The following ATP2B2 variants were observed in gnomAD, a reference collection of about 807,000 sequenced individuals.
The protein encoded by ATP2B2 is plasma membrane calcium-transporting ATPase 2.
Under a neutral mutation model 120.0 loss-of-function variants are expected in ATP2B2, and 15 were observed. The observed-to-expected ratio is 0.12, with a 90% CI of 0.08 to 0.19. ATP2B2 has a LOEUF of 0.19. Among genes scored for constraint, ATP2B2 ranks in the 10% least tolerant of loss-of-function variants. The probability of loss-of-function intolerance (pLI) is 1.00; values close to 1 mark genes in which losing one functional copy is unlikely to be tolerated. For missense variants in ATP2B2, 1,045 were observed against 1,719.8 expected (o/e 0.61, Z 6.94); for synonymous variants, 694 against 700.3 (o/e 0.99, Z 0.14).
chr3:10,654,475 T>C (rs1286900895), intron 1 of ATP2B2, among the ~76,000 whole-genome samples: 2 of 152,032 alleles, frequency 1.3e-5, no homozygotes, highest in South Asian at 2.1e-4. Flanking sequence ...GAAATGAACA[T>C]AGACGAGCGA....
upstream of ATP2B2, among the ~76,000 whole-genome samples, chr3:10,506,667 G>C (rs916401009): frequency 6.6e-6 from 1 of 152,050 alleles, no homozygotes; most frequent in Admixed American, 6.5e-5. Context: ...CCTGCTTGGA[G>C]GGAGGGCACT....
At chr3:10,633,340 A>G (rs754957483) in intron 1 of ATP2B2, among the ~76,000 whole-genome samples, 5 of 152,174 alleles carry the variant, frequency 3.3e-5, no homozygotes, top group Admixed American at 6.5e-5. Flanking sequence ...CACTGATGCA[A>G]TAACAGCAGA....
At chr3:10,585,493 GAA>G (rs60670471) in intron 2 of ATP2B2, among the ~76,000 whole-genome samples, 9 of 28,506 alleles carry the variant, frequency 3.2e-4, no homozygotes, top group East Asian at 2.6e-3. Flanking sequence ...GACTCCGTCT[GAA>G]AAAAAAAAAA....
chr3:10,540,395 C>T (rs1047980791), intron 2 of ATP2B2, among the ~76,000 whole-genome samples: 1 of 152,102 alleles, frequency 6.6e-6, no homozygotes, highest in Non-Finnish European at 1.5e-5. Flanking sequence ...TTATAAATCA[C>T]GCTACTATAA....
At chr3:10,574,147 T>C (rs2068190918) in intron 2 of ATP2B2, among the ~76,000 whole-genome samples, 1 of 152,216 alleles carries the variant, frequency 6.6e-6, no homozygotes, top group South Asian at 2.1e-4. Context: ...TATCTTCTGC[T>C]TTCTGCTTTG....
chr3:10,539,989 C>A (rs923568147), intron 2 of ATP2B2, among the ~76,000 whole-genome samples: 1 of 152,172 alleles, frequency 6.6e-6, no homozygotes, highest in Non-Finnish European at 1.5e-5. Flanking sequence ...GGCTAATATC[C>A]AGAATCTACA....
At chr3:10,649,590 G>A (rs1163391442) in intron 1 of ATP2B2, among the ~76,000 whole-genome samples, 1 of 152,184 alleles carries the variant, frequency 6.6e-6, no homozygotes, top group Non-Finnish European at 1.5e-5. Flanking sequence ...CCTCAGCTCA[G>A]GAAGGGAGGG....
intron 5 of ATP2B2, among the ~76,000 whole-genome samples, chr3:10,392,991 G>A (rs1330112213): frequency 6.6e-6 from 1 of 152,190 alleles, no homozygotes; most frequent in East Asian, 1.9e-4. Flanking sequence ...ACCAGATGGC[G>A]CCCCCCTTCC....
intron 2 of ATP2B2, among the ~76,000 whole-genome samples, chr3:10,417,196 G>T (rs543787404): frequency 4.6e-5 from 7 of 152,180 alleles, no homozygotes; most frequent in African/African-American, 1.7e-4. Flanking sequence ...GGGGGCAAAA[G>T]CTGGGCAGAG....
Position 10,350,155 on chromosome 3 carries a change from C to A in ATP2B2, c.2361G>T (p.Val787=), listed in dbSNP as rs1381998579. 1 of 1,613,592 alleles carries A rather than the reference C, an allele frequency of 6.2e-7. No individual in the cohort carries two copies. The highest frequency in any genetic ancestry group is 1.3e-5 in the African/African-American group (1 of 74,742). ...RIDKIWPKLR[V]LARSSPTDKH... Reference sequence around the variant, plus strand: ...TGTCCGTTGGGGAGGAGCGAGCCAGCACCCGCAGCTTTGGCCAGATCTTGT... The same window carrying A: ...TGTCCGTTGGGGAGGAGCGAGCCAGAACCCGCAGCTTTGGCCAGATCTTGT... Residue 787 remains valine, a synonymous_variant, in exon 16 of 23, where the codon GTG becomes GTT. Coordinates refer to ENST00000360273, the MANE Select transcript of ATP2B2 (RefSeq NM_001001331.4).
At chr3:10,337,726 C>T (rs2060160378) in intron 22 of ATP2B2, among the ~76,000 whole-genome samples, 1 of 152,074 alleles carries the variant, frequency 6.6e-6, no homozygotes, top group Non-Finnish European at 1.5e-5. Flanking sequence ...GCAACTGAAG[C>T]CCCCGTGGAG....
rs145414005 is a variant in ATP2B2, at chr3:10,455,566, C to A, written c.-319-5704G>T. ...AAATGAAACACTGGCTTCCTTGAGTCCCCCCTGCTCCCCTCCTCCTAGTTA... is the reference window on the plus strand; with the variant it reads ...AAATGAAACACTGGCTTCCTTGAGTACCCCCTGCTCCCCTCCTCCTAGTTA... On this transcript the variant is annotated intron_variant, in intron 1 of 22. Coordinates refer to ENST00000360273, the MANE Select transcript of ATP2B2 (RefSeq NM_001001331.4). 3.4e-3 allele frequency among the ~76,000 whole-genome samples: 511 copies of A among 152,296 alleles called. 2 individuals carry two copies. The highest frequency in any genetic ancestry group is 5.7e-3 in the Non-Finnish European group (390 of 68,030).
At position 10,704,392 on chromosome 3, in the gene ATP2B2, C is replaced by G. The variant is rs555675433; in HGVS notation, c.-460+3523G>C. On this transcript the variant is annotated intron_variant, in intron 1 of 21. Coordinates refer to the ATP2B2 transcript ENST00000646379. ...TCTTTCTACCTTTTTCTTCACCCAC[C>G]TCTTCCCTGCTGTCTCCTTCCAAGT... 3.3e-5 allele frequency among the ~76,000 whole-genome samples: 5 copies of G among 152,332 alleles called. 1 individual carries two copies. In the South Asian group the frequency reaches 1.0e-3, roughly 32 times the overall value.
chr3:10,490,734 T>C (rs2065903776), intron 1 of ATP2B2, among the ~76,000 whole-genome samples: 1 of 152,134 alleles, frequency 6.6e-6, no homozygotes, highest in African/African-American at 2.4e-5. Context: ...TCCTACAGAC[T>C]GGGAGCTCAG....
chr3:10,661,029 C>A (rs1327334662), intron 1 of ATP2B2, among the ~76,000 whole-genome samples: 1 of 152,136 alleles, frequency 6.6e-6, no homozygotes, highest in African/African-American at 2.4e-5. Context: ...CAGAAAAGGC[C>A]TTTGACACAA....
intron 1 of ATP2B2, among the ~76,000 whole-genome samples, chr3:10,470,434 C>A (rs770950113): frequency 1.3e-5 from 2 of 152,126 alleles, no homozygotes; most frequent in Non-Finnish European, 2.9e-5. Flanking sequence ...GTGAGCTTCA[C>A]CCTGAGCCAC....
intron 3 of ATP2B2, among the ~76,000 whole-genome samples, chr3:10,403,001 G>A (rs1050919011): frequency 2.6e-5 from 4 of 151,772 alleles, no homozygotes; most frequent in South Asian, 4.1e-4. Flanking sequence ...GCAGTTTGCC[G>A]CTGTCCTCTT....
intron 2 of ATP2B2, among the ~76,000 whole-genome samples, chr3:10,619,176 T>C (rs543310073): frequency 4.6e-5 from 7 of 152,208 alleles, no homozygotes; most frequent in African/African-American, 1.7e-4. Context: ...CTCCTAAGAC[T>C]TGTTTGTAAA....
At chr3:10,666,855 T>C (rs2070952323) in intron 1 of ATP2B2, among the ~76,000 whole-genome samples, 1 of 152,166 alleles carries the variant, frequency 6.6e-6, no homozygotes, top group African/African-American at 2.4e-5. Context: ...CAGGGGAGGC[T>C]CTCTAGCCCT....
Sources: gnomAD v4.1 joint callset for allele counts (sites outside exome capture counted in the v4.1 genomes callset) on GRCh38, gnomAD v4.1.1 for gene constraint, MANE v1.5 for transcripts, NCBI Gene and HGNC (gene_info 2026-07-23, HGNC 2026-07-21) for gene names.